GLRA1: variants seen among roughly 807,000 people sequenced by gnomAD.
GLRA1 encodes glycine receptor subunit alpha-1.
A neutral mutation model predicts 48.3 loss-of-function variants in GLRA1; 37 were observed. The ratio of observed to expected loss-of-function variants is 0.77; its 90% CI spans 0.59 to 1.01. GLRA1 has a LOEUF of 1.01. Ranked by LOEUF, GLRA1 falls within the 50% of genes least tolerant of loss-of-function variation. The probability of loss-of-function intolerance (pLI) is 0.00; values close to 1 mark genes in which losing one functional copy is unlikely to be tolerated. For missense variants in GLRA1, 427 were observed against 571.0 expected (o/e 0.75, Z 2.57); for synonymous variants, 196 against 210.7 (o/e 0.93, Z 0.60).
intron 7 of GLRA1, among the ~76,000 whole-genome samples, chr5:151,834,882 G>C (rs1329847643): frequency 1.3e-5 from 2 of 151,966 alleles, no homozygotes; most frequent in Non-Finnish European, 2.9e-5. Flanking sequence ...CAAAAAATTA[G>C]CCGGGCGTGG....
intron 2 of GLRA1, 52 bp from the exon 3 acceptor site, chr5:151,886,840 C>T: frequency 7.8e-7 from 1 of 1,279,944 alleles, no homozygotes; most frequent in Admixed American, 1.7e-5. Context: ...GAAGAACCCA[C>T]AGGGTAGGAC....
intron 7 of GLRA1, among the ~76,000 whole-genome samples, chr5:151,830,924 T>C (rs147633436): frequency 1.3e-4 from 20 of 152,322 alleles, no homozygotes; most frequent in Non-Finnish European, 2.6e-4. Flanking sequence ...GGCGAGTGAT[T>C]TCTGCATTTC....
chr5:151,833,033 C>T (rs1188357649), intron 7 of GLRA1, among the ~76,000 whole-genome samples: 2 of 152,200 alleles, frequency 1.3e-5, no homozygotes, highest in Admixed American at 1.3e-4. Context: ...CCCAGAATTT[C>T]ATACCCAGCC....
chr5:151,880,976 T>G (rs897070722), intron 3 of GLRA1, among the ~76,000 whole-genome samples: 8 of 152,280 alleles, frequency 5.3e-5, no homozygotes, highest in Admixed American at 4.6e-4. Flanking sequence ...TGTACAGATT[T>G]CCACATGTAC....
intron 1 of GLRA1, among the ~76,000 whole-genome samples, chr5:151,895,449 T>A (rs889455612): frequency 6.6e-6 from 1 of 152,202 alleles, no homozygotes; most frequent in Admixed American, 6.5e-5. Flanking sequence ...CTTAGTCATT[T>A]ATTAGCTGTG....
intron 1 of GLRA1, among the ~76,000 whole-genome samples, chr5:151,914,756 G>A (rs114147911): frequency 6.6e-6 from 1 of 152,172 alleles, no homozygotes; most frequent in Admixed American, 6.5e-5. Flanking sequence ...TTTATAATGG[G>A]GGTGGGAGCT....
At chr5:151,845,285 A>G (rs1022674492) in intron 7 of GLRA1, among the ~76,000 whole-genome samples, 1 of 152,258 alleles carries the variant, frequency 6.6e-6, no homozygotes, top group Non-Finnish European at 1.5e-5. Flanking sequence ...ACCACGGCAC[A>G]TAGAACAAGA....
At chr5:151,849,465 TTCCTTCC>T (rs1752835340) in intron 7 of GLRA1, among the ~76,000 whole-genome samples, 1 of 30,982 alleles carries the variant, frequency 3.2e-5, no homozygotes. Context: ...CCTTCCTTCC[TTCCTTCC>T]TTCCTTCCTT....
chr5:151,900,032 T>A (rs545121766), intron 1 of GLRA1, among the ~76,000 whole-genome samples: 28 of 152,360 alleles, frequency 1.8e-4, no homozygotes, highest in African/African-American at 6.5e-4. Context: ...TAAGGAAGTC[T>A]GGTCCTCTAG....
At chr5:151,829,607 T>C (rs1315291235) in intron 7 of GLRA1, among the ~76,000 whole-genome samples, 1 of 152,256 alleles carries the variant, frequency 6.6e-6, no homozygotes, top group African/African-American at 2.4e-5. Flanking sequence ...AAAAGTGTTA[T>C]TGAGATATAA....
intron 2 of GLRA1, among the ~76,000 whole-genome samples, chr5:151,889,428 G>T (rs1014445775): frequency 3.9e-5 from 6 of 152,246 alleles, no homozygotes; most frequent in African/African-American, 1.4e-4. Flanking sequence ...CAGAGGCTGA[G>T]ATACAGTAAG....
At chr5:151,896,449 T>C (rs922237773) in intron 1 of GLRA1, among the ~76,000 whole-genome samples, 1 of 152,262 alleles carries the variant, frequency 6.6e-6, no homozygotes, top group Non-Finnish European at 1.5e-5. Flanking sequence ...TATGATTTAT[T>C]TCTGAAGCTT....
intron 1 of GLRA1, among the ~76,000 whole-genome samples, chr5:151,904,600 G>A (rs1754434672): frequency 6.6e-6 from 1 of 152,176 alleles, no homozygotes; most frequent in African/African-American, 2.4e-5. Flanking sequence ...GCATGCTCCA[G>A]GGCTAAGCAC....
At chr5:151,832,359 A>G (rs1158056004) in intron 7 of GLRA1, among the ~76,000 whole-genome samples, 2 of 152,220 alleles carry the variant, frequency 1.3e-5, no homozygotes, top group African/African-American at 4.8e-5. Context: ...CCTCCAAGCT[A>G]AAGGAGCATT....
At chr5:151,923,000 T>C (rs1202474226) in intron 1 of GLRA1, among the ~76,000 whole-genome samples, 1 of 152,234 alleles carries the variant, frequency 6.6e-6, no homozygotes, top group African/African-American at 2.4e-5. Context: ...ATATTATAAA[T>C]AGAATACTTC....
rs1763343103 is a variant in GLRA1 at position 151,828,902 on chromosome 5, C to CAGTG, written c.1059+15_1059+18dup. On this transcript the variant is annotated intron_variant, in intron 8 of 8. Coordinates refer to ENST00000274576, the MANE Select transcript of GLRA1 (RefSeq NM_000171.4). ...TTACTAACAGCTGTCCCTCCTTAGG[C>CAGTG]AGTGACCCAAAGGCCTACCTTGTGA... The CAGTG allele has an allele frequency of 6.2e-7, 1 of 1,611,008 alleles. No individual in the cohort carries two copies. Among genetic ancestry groups the CAGTG allele is most frequent in the African/African-American group, 1.3e-5 (1 of 74,952 alleles).
chr5:151,906,582 G>T lies in GLRA1; in HGVS notation c.57-14144C>A, dbSNP rs12657411. Among the ~76,000 whole-genome samples, 87 of 152,270 alleles carry T rather than the reference G, an allele frequency of 5.7e-4. No individual in the cohort carries two copies. In the East Asian group the frequency reaches 0.015, roughly 26 times the overall value. On this transcript the variant is annotated intron_variant, in intron 1 of 8. Coordinates refer to ENST00000274576, the MANE Select transcript of GLRA1 (RefSeq NM_000171.4). ...AGAGAAGTCTTAGGCAGAAGGGATCGGTCCATTGGGCTGTTGGGGGAAGAG... is the reference window on the plus strand; with the variant it reads ...AGAGAAGTCTTAGGCAGAAGGGATCTGTCCATTGGGCTGTTGGGGGAAGAG...
At chr5:151,876,074 C>T (rs1753621682) in intron 3 of GLRA1, among the ~76,000 whole-genome samples, 2 of 152,212 alleles carry the variant, frequency 1.3e-5, no homozygotes, top group Admixed American at 6.5e-5. Flanking sequence ...ATTCTTTTCA[C>T]AGTAGAGCTT....
intron 5 of GLRA1, 131 bp downstream of exon 5, chr5:151,856,170 T>A (rs569034168): frequency 3.0e-6 from 2 of 666,710 alleles, no homozygotes; most frequent in East Asian, 6.0e-5. Context: ...AAGTCCTTCA[T>A]TGAATATTTT....
Sources: allele counts gnomAD v4.1 joint callset (sites outside exome capture counted in the v4.1 genomes callset), GRCh38; gene constraint gnomAD v4.1.1; transcripts MANE v1.5; gene names NCBI Gene and HGNC (gene_info 2026-07-23, HGNC 2026-07-21).